SLC35F3: variants seen among roughly 807,000 people sequenced by gnomAD.
SLC35F3 encodes putative thiamine transporter SLC35F3.
A neutral mutation model predicts 49.9 loss-of-function variants in SLC35F3; 25 were observed. That is an observed-to-expected ratio of 0.50 (90% CI 0.37 to 0.70). The LOEUF is 0.70. Among genes scored for constraint, SLC35F3 ranks in the 30% least tolerant of loss-of-function variants. The pLI, the probability that SLC35F3 is intolerant of heterozygous loss-of-function variation, is 0.00. For synonymous variants in SLC35F3, 275 were observed against 265.4 expected, an observed-to-expected ratio of 1.04 and a Z score of -0.35; for missense variants, 525 against 639.8, an observed-to-expected ratio of 0.82 and a Z score of 1.94.
chr1:234,076,517 A>C (rs1276829345), intron 2 of SLC35F3, among the ~76,000 whole-genome samples: 1 of 150,808 alleles, frequency 6.6e-6, no homozygotes, highest in East Asian at 2.0e-4. Context: ...GCTGGAGTGC[A>C]GTGGCACAAA....
chr1:234,164,890 T>C (rs78600845), intron 2 of SLC35F3, among the ~76,000 whole-genome samples: 4,985 of 151,708 alleles, frequency 0.033, 261 homozygotes, highest in African/African-American at 0.11. Flanking sequence ...TTTGGAAAAA[T>C]AAGATATTGT....
At chr1:234,048,114 A>G (rs1032040600) in intron 2 of SLC35F3, among the ~76,000 whole-genome samples, 5 of 152,276 alleles carry the variant, frequency 3.3e-5, no homozygotes, top group South Asian at 4.1e-4. Flanking sequence ...GCAAGCAACT[A>G]AGTTGGATAT....
rs1170866858 is a variant in SLC35F3, at chr1:234,206,393, TC to T, written c.284-25022del. 2.0e-5 allele frequency among the ~76,000 whole-genome samples: 3 copies of T among 149,224 alleles called. No individual in the cohort carries two copies. In the East Asian group the frequency reaches 6.1e-4, roughly 30 times the overall value. On this transcript the variant is annotated intron_variant, in intron 2 of 7. Coordinates refer to ENST00000366618, the MANE Select transcript of SLC35F3 (RefSeq NM_173508.4). ...GTGAGGAGCAGGGTGCCCAGAGGCA[TC>T]CGGCACCCAAAGGGTTCTCACTGTG... is the stretch of plus-strand genomic sequence containing the variant.
chr1:234,058,081 G>T, intron 2 of SLC35F3, among the ~76,000 whole-genome samples: 1 of 151,978 alleles, frequency 6.6e-6, no homozygotes, highest in African/African-American at 2.4e-5. Flanking sequence ...TTATGGGTTT[G>T]CATACATACC....
At chr1:234,056,610 C>T (rs1174954240) in intron 2 of SLC35F3, among the ~76,000 whole-genome samples, 1 of 152,192 alleles carries the variant, frequency 6.6e-6, no homozygotes, top group African/African-American at 2.4e-5. Flanking sequence ...TAAGTAAAAG[C>T]ATACAATATG....
At chr1:234,155,998 C>T (rs2102911063) in intron 2 of SLC35F3, among the ~76,000 whole-genome samples, 1 of 151,446 alleles carries the variant, frequency 6.6e-6, no homozygotes, top group South Asian at 2.1e-4. Context: ...TGAGGAATAC[C>T]AAAAAGAAAA....
intron 2 of SLC35F3, among the ~76,000 whole-genome samples, chr1:234,010,438 A>G (rs555667621): frequency 1.3e-5 from 2 of 152,356 alleles, no homozygotes; most frequent in Middle Eastern, 6.8e-3. Context: ...GAAGCAAAGT[A>G]TCTACAAAAT....
At chr1:234,271,456 G>A (rs996848894) in intron 3 of SLC35F3, among the ~76,000 whole-genome samples, 3 of 152,188 alleles carry the variant, frequency 2.0e-5, no homozygotes, top group Non-Finnish European at 4.4e-5. Context: ...ATTAGTAAAT[G>A]TCTCACCTTC....
chr1:233,917,379 A>G (rs1359705359), intron 2 of SLC35F3, among the ~76,000 whole-genome samples: 3 of 152,178 alleles, frequency 2.0e-5, no homozygotes, highest in Non-Finnish European at 4.4e-5. Flanking sequence ...TGGAAACTTG[A>G]GCTCTGCTGC....
chr1:233,976,859 C>T (rs1663094093), intron 2 of SLC35F3, among the ~76,000 whole-genome samples: 1 of 152,212 alleles, frequency 6.6e-6, no homozygotes, highest in South Asian at 2.1e-4. Flanking sequence ...AATCCACCCA[C>T]CTCGGCCTCC....
chr1:234,167,748 T>G (rs2102916926), intron 2 of SLC35F3, among the ~76,000 whole-genome samples: 1 of 152,284 alleles, frequency 6.6e-6, no homozygotes, highest in African/African-American at 2.4e-5. Context: ...TATCATTTCA[T>G]CCCCACCACC....
chr1:233,936,104 C>A (rs1286910368), intron 2 of SLC35F3, among the ~76,000 whole-genome samples: 5 of 152,126 alleles, frequency 3.3e-5, no homozygotes, highest in Non-Finnish European at 7.3e-5. Context: ...GTAGTGTTAA[C>A]TATGTATTTG....
intron 3 of SLC35F3, among the ~76,000 whole-genome samples, chr1:234,283,372 A>G (rs932783388): frequency 1.3e-5 from 2 of 152,242 alleles, no homozygotes; most frequent in African/African-American, 2.4e-5. Flanking sequence ...TTTTGTGATC[A>G]TTACTGTCAT....
At chr1:234,313,611 G>C (rs6695848) in intron 4 of SLC35F3, among the ~76,000 whole-genome samples, 39,271 of 151,966 alleles carry the variant, frequency 0.26, 5,327 homozygotes, top group African/African-American at 0.29. Context: ...TGAGGGCTGG[G>C]GGGGACAGGA....
intron 2 of SLC35F3, among the ~76,000 whole-genome samples, chr1:233,918,255 G>T (rs929705704): frequency 1.3e-5 from 2 of 152,228 alleles, no homozygotes; most frequent in Non-Finnish European, 2.9e-5. Flanking sequence ...GGCTGATGTG[G>T]CTTCTTTGTA....
intron 3 of SLC35F3, among the ~76,000 whole-genome samples, chr1:234,303,388 G>A (rs628253): frequency 0.64 from 96,579 of 152,068 alleles, 30,733 homozygotes; most frequent in Middle Eastern, 0.8. Flanking sequence ...AGCCTTCTGC[G>A]GTTCCCGGTC....
chr1:234,198,061 A>C (rs1666841629), intron 2 of SLC35F3, among the ~76,000 whole-genome samples: 1 of 152,228 alleles, frequency 6.6e-6, no homozygotes, highest in Non-Finnish European at 1.5e-5. Flanking sequence ...CAGGATGGGC[A>C]TCTGACAGAT....
chr1:234,101,885 G>C (rs12566503), intron 2 of SLC35F3, among the ~76,000 whole-genome samples: 1 of 152,212 alleles, frequency 6.6e-6, no homozygotes, highest in Non-Finnish European at 1.5e-5. Context: ...TTTTGCTGTA[G>C]CAATATCAGG....
intron 2 of SLC35F3, among the ~76,000 whole-genome samples, chr1:234,053,068 A>G (rs1427031834): frequency 2.6e-5 from 4 of 152,312 alleles, no homozygotes; most frequent in South Asian, 2.1e-4. Flanking sequence ...CTATGTGGTC[A>G]ATTATGGAAT....
Sources: allele counts gnomAD v4.1 joint callset (sites outside exome capture counted in the v4.1 genomes callset), GRCh38; gene constraint gnomAD v4.1.1; transcripts MANE v1.5; gene names NCBI Gene and HGNC (gene_info 2026-07-23, HGNC 2026-07-21).